The following PLEKHG1 variants were observed in gnomAD, a reference collection of about 807,000 sequenced individuals.
The protein encoded by PLEKHG1 is pleckstrin homology domain-containing family G member 1.
PLEKHG1 carries 44 observed loss-of-function variants against 100.8 expected under a neutral mutation model. That is an observed-to-expected ratio of 0.44 (90% confidence interval 0.34 to 0.56). The LOEUF is 0.56. Ranked by LOEUF, PLEKHG1 falls within the 20% of genes least tolerant of loss-of-function variation. PLEKHG1 has a pLI of 0.01. For synonymous variants in PLEKHG1, 640 were observed against 662.5 expected (o/e 0.97, Z 0.52); for missense variants, 1,545 against 1,720.9 (o/e 0.90, Z 1.81).
rs13340442 is a variant in PLEKHG1 at position 150,715,577 on chromosome 6, G to A, written c.-98-18007G>A. The stretch of plus-strand genomic sequence containing the variant: ...ATCTCGGCTCACTGCAACTTCTGCC[G>A]CCTGAGTTCAAGTGATTCTCCTGCC... On this transcript the variant is annotated intron_variant, in intron 3 of 3. Coordinates refer to the PLEKHG1 transcript ENST00000367326. 5.8e-3 allele frequency among the ~76,000 whole-genome samples: 867 copies of A among 148,606 alleles called. 8 individuals carry two copies. Among genetic ancestry groups the A allele is most frequent in the African/African-American group, 0.021 (836 of 40,438 alleles).
chr6:150,840,221 T>C (rs1457989446), exon 16 of PLEKHG1: 3 of 1,614,236 alleles, frequency 1.9e-6, no homozygotes, highest in Non-Finnish European at 2.5e-6. Context: ...GTCAGGACCA[T>C]CTTTACAACT....
intron 3 of PLEKHG1, among the ~76,000 whole-genome samples, chr6:150,771,380 G>A (rs1434267908): frequency 6.6e-6 from 1 of 151,894 alleles, no homozygotes; most frequent in African/African-American, 2.4e-5. Flanking sequence ...TCGCGCCACT[G>A]CACTCCAGCC....
intron 2 of PLEKHG1, among the ~76,000 whole-genome samples, chr6:150,743,528 A>T (rs1252431066): frequency 2.0e-5 from 3 of 152,178 alleles, no homozygotes; most frequent in African/African-American, 7.2e-5. Flanking sequence ...TCCATCTCAA[A>T]AAATAAATAA....
intron 6 of PLEKHG1, among the ~76,000 whole-genome samples, chr6:150,801,782 G>GA (rs558213408): frequency 2.7e-5 from 4 of 150,360 alleles, no homozygotes; most frequent in Admixed American, 1.3e-4. Flanking sequence ...GATGCGAATG[G>GA]AAAAAAAAAG....
At chr6:150,601,661 G>T (rs1026456155) in intron 1 of PLEKHG1, among the ~76,000 whole-genome samples, 1 of 152,078 alleles carries the variant, frequency 6.6e-6, no homozygotes, top group African/African-American at 2.4e-5. Flanking sequence ...CACCTCCCTG[G>T]CTTCATCCTC....
At chr6:150,703,900 G>A (rs1367387873) in intron 3 of PLEKHG1, among the ~76,000 whole-genome samples, 1 of 152,154 alleles carries the variant, frequency 6.6e-6, no homozygotes, top group Non-Finnish European at 1.5e-5. Context: ...TTACATAGTT[G>A]AACGTACTTG....
chr6:150,771,683 A>G (rs999686201), intron 3 of PLEKHG1, among the ~76,000 whole-genome samples: 2 of 151,978 alleles, frequency 1.3e-5, no homozygotes, highest in Non-Finnish European at 2.9e-5. Context: ...AGATACACCT[A>G]TCTGGCAAAT....
chr6:150,627,675 T>C (rs186450517), intron 1 of PLEKHG1, among the ~76,000 whole-genome samples: 29 of 152,342 alleles, frequency 1.9e-4, no homozygotes, highest in Admixed American at 1.6e-3. Flanking sequence ...AAATCCAACG[T>C]TGACACATAG....
At chr6:150,783,203 G>A (rs1261793914) in intron 3 of PLEKHG1, among the ~76,000 whole-genome samples, 3 of 150,244 alleles carry the variant, frequency 2.0e-5, no homozygotes, top group Admixed American at 1.3e-4. Flanking sequence ...TAAAGGGGAG[G>A]TCTCCCCCCA....
intron 14 of PLEKHG1, among the ~76,000 whole-genome samples, chr6:150,829,569 G>T (rs1776796893): frequency 6.6e-6 from 1 of 152,194 alleles, no homozygotes; most frequent in Non-Finnish European, 1.5e-5. Context: ...AGTGAGCCAA[G>T]ATCATGCCAA....
At chr6:150,817,557 T>G (rs1245077107) in intron 10 of PLEKHG1, among the ~76,000 whole-genome samples, 1 of 98,906 alleles carries the variant, frequency 1.0e-5, no homozygotes, top group African/African-American at 3.6e-5. Context: ...AATCTGCATT[T>G]TTTTTTTTTT....
intron 1 of PLEKHG1, among the ~76,000 whole-genome samples, chr6:150,602,613 A>G (rs987154095): frequency 3.3e-5 from 5 of 152,138 alleles, no homozygotes; most frequent in Non-Finnish European, 7.3e-5. Context: ...AGTTATGCCA[A>G]GGATTAAATG....
At chr6:150,726,544 C>T (rs951717687) in intron 1 of PLEKHG1, among the ~76,000 whole-genome samples, 2 of 152,190 alleles carry the variant, frequency 1.3e-5, no homozygotes, top group South Asian at 4.1e-4. Context: ...GTCTTTCATC[C>T]AGCTTCCCCT....
chr6:150,784,256 T>C (rs1314160364), intron 3 of PLEKHG1, among the ~76,000 whole-genome samples: 1 of 152,178 alleles, frequency 6.6e-6, no homozygotes, highest in Non-Finnish European at 1.5e-5. Flanking sequence ...TTTGTAATTA[T>C]GTCAACTAAG....
intron 2 of PLEKHG1, among the ~76,000 whole-genome samples, chr6:150,750,249 C>CTA (rs1783429472): frequency 6.6e-6 from 1 of 152,270 alleles, no homozygotes; most frequent in East Asian, 1.9e-4. Flanking sequence ...CGACTAAAGG[C>CTA]TATTGCCTAA....
chr6:150,656,780 T>A (rs919301301), intron 3 of PLEKHG1, among the ~76,000 whole-genome samples: 12 of 152,240 alleles, frequency 7.9e-5, no homozygotes, highest in Middle Eastern at 3.4e-3. Context: ...CAGAAATGGG[T>A]TACAGGAAGA....
chr6:150,727,238 C>T (rs1022203936), intron 1 of PLEKHG1, among the ~76,000 whole-genome samples: 3 of 152,160 alleles, frequency 2.0e-5, no homozygotes, highest in Admixed American at 6.5e-5. Context: ...CCCCTCAATC[C>T]CTGCTGTGAG....
intron 2 of PLEKHG1, among the ~76,000 whole-genome samples, chr6:150,739,598 G>A (rs1034601030): frequency 6.6e-6 from 1 of 152,008 alleles, no homozygotes; most frequent in Non-Finnish European, 1.5e-5. Flanking sequence ...AACCTAGGAG[G>A]CGGAGGTTGC....
intron 3 of PLEKHG1, among the ~76,000 whole-genome samples, chr6:150,779,347 T>TGTTTG (rs10653471): frequency 2.3e-5 from 3 of 128,376 alleles, no homozygotes; most frequent in African/African-American, 6.2e-5. Flanking sequence ...TCAAGAAGTT[T>TGTTTG]TTTTTTTTTT....
Sources: gnomAD v4.1 joint callset for allele counts (sites outside exome capture counted in the v4.1 genomes callset) on GRCh38, gnomAD v4.1.1 for gene constraint, MANE v1.5 for transcripts, NCBI Gene and HGNC (gene_info 2026-07-23, HGNC 2026-07-21) for gene names.